The following PCDHGB3 variants were observed in gnomAD, a reference collection of about 807,000 sequenced individuals.
PCDHGB3 encodes protocadherin gamma-B3.
A neutral mutation model predicts 59.2 loss-of-function variants in PCDHGB3; 40 were observed. The ratio of observed to expected loss-of-function variants is 0.68; its 90% confidence interval spans 0.52 to 0.88. The LOEUF is 0.88. PCDHGB3 is among the 40% of genes least tolerant of loss of function. The pLI is 0.00. For missense variants in PCDHGB3, 1,309 were observed against 1,187.9 expected (o/e 1.10, Z -1.50); for synonymous variants, 581 against 503.6 (o/e 1.15, Z -2.06).
intron 1 of PCDHGB3, chr5:141,424,599 GATTT>G (rs1016470290): frequency 3.9e-5 from 6 of 152,170 alleles, no homozygotes; most frequent in Non-Finnish European, 8.8e-5. Flanking sequence ...GATGTCTACA[GATTT>G]ATTCAAATAG....
chr5:141,444,589 C>A (rs1198742574), intron 1 of PCDHGB3, among the ~76,000 whole-genome samples: 1 of 152,068 alleles, frequency 6.6e-6, no homozygotes, highest in Non-Finnish European at 1.5e-5. Context: ...TTTCTACTTA[C>A]CTTATTTAAA....
chr5:141,507,554 A>C (rs1384910590), intron 3 of PCDHGB3, among the ~76,000 whole-genome samples: 2 of 152,258 alleles, frequency 1.3e-5, no homozygotes, highest in African/African-American at 4.8e-5. Context: ...TGAAAGTGGC[A>C]GGCGGCTGGG....
At chr5:141,444,757 C>T (rs919228537) in intron 1 of PCDHGB3, among the ~76,000 whole-genome samples, 4 of 152,050 alleles carry the variant, frequency 2.6e-5, no homozygotes, top group African/African-American at 9.7e-5. Flanking sequence ...ATATGTAGTT[C>T]TATTTCTATA....
intron 1 of PCDHGB3, chr5:141,384,060 A>G (rs1453253478): frequency 6.2e-7 from 1 of 1,609,266 alleles, no homozygotes; most frequent in Non-Finnish European, 8.5e-7. Context: ...GCACCATTCC[A>G]GAAAACCTAC....
intron 1 of PCDHGB3, chr5:141,393,878 A>C: frequency 1.9e-6 from 3 of 1,614,022 alleles, no homozygotes; most frequent in Non-Finnish European, 2.5e-6. Context: ...TGTTTAGCCC[A>C]GTGTTAGAAA....
intron 1 of PCDHGB3, chr5:141,399,810 C>A (rs148150333): frequency 2.5e-6 from 4 of 1,613,076 alleles, no homozygotes; most frequent in Middle Eastern, 1.7e-4. Flanking sequence ...TGCTGTACCC[C>A]GCGCTGGGTC....
At chr5:141,403,612 G>A (rs1314297922) in intron 1 of PCDHGB3, 1 of 1,613,854 alleles carries the variant, frequency 6.2e-7, no homozygotes, top group Non-Finnish European at 8.5e-7. Flanking sequence ...GCGGCGAGCC[G>A]CGTCGCTCCA....
At chr5:141,381,409 G>T (rs998398001) in intron 1 of PCDHGB3, among the ~76,000 whole-genome samples, 1 of 152,220 alleles carries the variant, frequency 6.6e-6, no homozygotes, top group Non-Finnish European at 1.5e-5. Context: ...CAACATCAGT[G>T]GAGAGACGAG....
At chr5:141,374,608 T>A in intron 1 of PCDHGB3, 1 of 1,613,602 alleles carries the variant, frequency 6.2e-7, no homozygotes, top group South Asian at 1.1e-5. Context: ...TCAGTGGTAA[T>A]AGTCACTTCT....
Position 141,491,300 on chromosome 5 carries a change from G to T in PCDHGB3, c.2416-3507G>T. On this transcript the variant is annotated intron_variant, in intron 1 of 3. Coordinates refer to ENST00000576222, the MANE Select transcript of PCDHGB3 (RefSeq NM_018924.5). The surrounding 1 kb of genome is among the most constrained non-coding windows in gnomAD (Gnocchi z 6.9). Reference sequence around the variant, plus strand: ...GACTTCCTCATACACCCTCCTGAGCGTTCAGACCTTACCCTTTACCTCATT... The same window carrying T: ...GACTTCCTCATACACCCTCCTGAGCTTTCAGACCTTACCCTTTACCTCATT... The T allele has an allele frequency of 6.2e-7, 1 of 1,614,136 alleles. No homozygotes were observed. The highest frequency in any genetic ancestry group is 8.5e-7 in the Non-Finnish European group (1 of 1,179,962).
chr5:141,394,500 C>T, intron 1 of PCDHGB3: 2 of 1,614,242 alleles, frequency 1.2e-6, no homozygotes, highest in Non-Finnish European at 8.5e-7. Context: ...GCCCGAGATC[C>T]TGTACCCCGC....
intron 1 of PCDHGB3, among the ~76,000 whole-genome samples, chr5:141,492,435 C>T (rs191116850): frequency 8.5e-5 from 13 of 152,348 alleles, no homozygotes; most frequent in Admixed American, 8.5e-4. Context: ...CTCAGGAGTA[C>T]TCGTAGCTGA....
rs945917670 is a variant in PCDHGB3, at chr5:141,377,790, T to G, written c.2415+4981T>G. On this transcript the variant is annotated intron_variant, in intron 1 of 3. Transcript: ENST00000576222. ...TGGTGTTAAAAGACCTGAATAACAT[T>G]CCTGTAACTATCTGTTATTTACTTG... 2.6e-5 allele frequency: 4 copies of G among 152,296 alleles called. No individual in the cohort carries two copies. The East Asian group carries it at 7.7e-4, about 29-fold the overall frequency. 9.4% of individuals were successfully genotyped at this position (152,296 alleles called of 1,614,324 possible).
intron 1 of PCDHGB3, among the ~76,000 whole-genome samples, chr5:141,373,098 C>A (rs1402463048): frequency 6.6e-6 from 1 of 152,208 alleles, no homozygotes; most frequent in African/African-American, 2.4e-5. Flanking sequence ...CTGTCATTTT[C>A]AGACATATCT....
chr5:141,377,207 A>C (rs1170353646), intron 1 of PCDHGB3: 1 of 152,122 alleles, frequency 6.6e-6, no homozygotes, highest in Non-Finnish European at 1.5e-5. Context: ...GATTGAGTAC[A>C]TCTCGTTTCT....
At chr5:141,482,530 C>CAAAAAAAAAAAAAAA (rs3074545) in intron 1 of PCDHGB3, among the ~76,000 whole-genome samples, 1 of 76,562 alleles carries the variant, frequency 1.3e-5, no homozygotes, top group African/African-American at 4.8e-5. Flanking sequence ...GACAGACATG[C>CAAAAAAAAAAAAAAA]AAAAAAAAAA....
At chr5:141,473,750 G>A (rs777343462) in intron 1 of PCDHGB3, among the ~76,000 whole-genome samples, 3 of 152,192 alleles carry the variant, frequency 2.0e-5, no homozygotes, top group Non-Finnish European at 4.4e-5. Context: ...TGAGAACTTG[G>A]ATACTATGCA....
At chr5:141,375,821 C>T in intron 1 of PCDHGB3, 1 of 1,614,192 alleles carries the variant, frequency 6.2e-7, no homozygotes, top group Non-Finnish European at 8.5e-7. Context: ...GCTGGCGCCC[C>T]GCTCCGCAGA....
At chr5:141,419,781 G>A in intron 1 of PCDHGB3, 1 of 1,614,032 alleles carries the variant, frequency 6.2e-7, no homozygotes, top group Non-Finnish European at 8.5e-7. Flanking sequence ...GTCCGCCAGC[G>A]CCTGCTAGTC....
Sources: allele counts gnomAD v4.1 joint callset (sites outside exome capture counted in the v4.1 genomes callset), GRCh38; gene constraint gnomAD v4.1.1; non-coding constraint Gnocchi (gnomAD v3.1); transcripts MANE v1.5; gene names NCBI Gene and HGNC (gene_info 2026-07-23, HGNC 2026-07-21).